The following ROR2 variants were observed in gnomAD, a reference collection of about 807,000 sequenced individuals.
ROR2 encodes ROR family WNT receptor 2, also known as tyrosine-protein kinase transmembrane receptor ROR2.
In ROR2, 33 loss-of-function variants were observed where a neutral mutation model predicts 74.9. That is an observed-to-expected ratio of 0.44 (90% CI 0.33 to 0.59). The LOEUF is 0.59. ROR2 is among the 20% of genes least tolerant of loss of function. The probability of loss-of-function intolerance (pLI) is 0.02; values close to 1 mark genes in which losing one functional copy is unlikely to be tolerated. For missense variants in ROR2, 1,216 were observed against 1,313.8 expected (o/e 0.93, Z 1.15); for synonymous variants, 586 against 558.7 (o/e 1.05, Z -0.69).
At chr9:91,918,686 T>C (rs926902763) in intron 1 of ROR2, among the ~76,000 whole-genome samples, 12 of 152,312 alleles carry the variant, frequency 7.9e-5, no homozygotes, top group African/African-American at 2.6e-4. Flanking sequence ...AACTGGTGAA[T>C]TGTACGCTCC....
intron 1 of ROR2, among the ~76,000 whole-genome samples, chr9:91,930,516 A>G (rs7036525): frequency 0.14 from 21,648 of 152,252 alleles, 2,254 homozygotes; most frequent in East Asian, 0.28. Flanking sequence ...CGTGACAAAC[A>G]CAAGCAGCAC....
At chr9:91,831,270 C>CA (rs113100972) in intron 1 of ROR2, among the ~76,000 whole-genome samples, 28,559 of 141,610 alleles carry the variant, frequency 0.2, 4,281 homozygotes, top group African/African-American at 0.43. Flanking sequence ...CTCAAAAAAA[C>CA]AAAAAAAAAA....
intron 1 of ROR2, among the ~76,000 whole-genome samples, chr9:91,908,046 T>C (rs1439734680): frequency 6.6e-6 from 1 of 152,164 alleles, no homozygotes; most frequent in Non-Finnish European, 1.5e-5. Context: ...GAACTGCAAA[T>C]GCCGCAAAAC....
chr9:91,833,050 C>T (rs994359144), intron 1 of ROR2, among the ~76,000 whole-genome samples: 8 of 152,150 alleles, frequency 5.3e-5, no homozygotes, highest in Admixed American at 3.3e-4. Flanking sequence ...AGAGTGGGCT[C>T]CCCTAAGCCC....
chr9:91,890,580 G>A (rs1029675276), intron 1 of ROR2, among the ~76,000 whole-genome samples: 1 of 152,170 alleles, frequency 6.6e-6, no homozygotes, highest in African/African-American at 2.4e-5. Flanking sequence ...AAGCTAATGG[G>A]TTTCCTATGT....
chr9:91,822,665 G>A (rs1358987308), intron 1 of ROR2, among the ~76,000 whole-genome samples: 3 of 152,186 alleles, frequency 2.0e-5, no homozygotes, highest in African/African-American at 7.2e-5. Flanking sequence ...GCTGTTTGGG[G>A]AACAAGATAG....
intron 2 of ROR2, among the ~76,000 whole-genome samples, chr9:91,767,770 G>A (rs1371887612): frequency 6.6e-6 from 1 of 152,196 alleles, no homozygotes; most frequent in Non-Finnish European, 1.5e-5. Flanking sequence ...AGATAAAACG[G>A]GGAAAACTAG....
chr9:91,769,028 G>A (rs1826145436), intron 2 of ROR2, among the ~76,000 whole-genome samples: 1 of 152,194 alleles, frequency 6.6e-6, no homozygotes, highest in Admixed American at 6.5e-5. Context: ...AACGTCTTAG[G>A]GAAAGGTTTG....
intron 1 of ROR2, among the ~76,000 whole-genome samples, chr9:91,922,730 G>C (rs542455845): frequency 6.6e-6 from 1 of 152,294 alleles, no homozygotes; most frequent in East Asian, 1.9e-4. Flanking sequence ...TGTGATTACA[G>C]GCAGGAGCCA....
At chr9:91,795,629 A>G (rs1300579021) in intron 1 of ROR2, among the ~76,000 whole-genome samples, 1 of 152,206 alleles carries the variant, frequency 6.6e-6, no homozygotes, top group Non-Finnish European at 1.5e-5. Context: ...TGAGACTCAT[A>G]AACTCATAAA....
chr9:91,925,202 A>T (rs1023010470), intron 1 of ROR2, among the ~76,000 whole-genome samples: 3 of 152,154 alleles, frequency 2.0e-5, no homozygotes, highest in African/African-American at 7.2e-5. Flanking sequence ...CCAGTGGTCC[A>T]GAGACACCAC....
chr9:91,833,686 A>C (rs73651566), intron 1 of ROR2, among the ~76,000 whole-genome samples: 1 of 151,924 alleles, frequency 6.6e-6, no homozygotes, highest in African/African-American at 2.4e-5. Flanking sequence ...GCCAGCCTCC[A>C]ACTGATCAGC....
At chr9:91,802,251 T>C (rs575210037) in intron 1 of ROR2, among the ~76,000 whole-genome samples, 1 of 151,812 alleles carries the variant, frequency 6.6e-6, no homozygotes, top group African/African-American at 2.4e-5. Context: ...CTTTTTTTTG[T>C]ATTTTTAGTA....
intron 1 of ROR2, among the ~76,000 whole-genome samples, chr9:91,931,376 T>A (rs1003928270): frequency 4.6e-5 from 7 of 152,262 alleles, no homozygotes; most frequent in Non-Finnish European, 8.8e-5. Context: ...TAAGGCTCTG[T>A]CATGAATATA....
chr9:91,786,479 TTGTC>T (rs1488559421), intron 1 of ROR2, among the ~76,000 whole-genome samples: 8 of 151,860 alleles, frequency 5.3e-5, no homozygotes, highest in Non-Finnish European at 1.0e-4. Flanking sequence ...GAGGTGAAAA[TTGTC>T]TGTTCAAGGG....
intron 1 of ROR2, among the ~76,000 whole-genome samples, chr9:91,852,733 A>G (rs1245635589): frequency 6.6e-6 from 1 of 152,210 alleles, no homozygotes; most frequent in Non-Finnish European, 1.5e-5. Context: ...TCAAAAAGTT[A>G]AAGAAATCAT....
chr9:91,747,358 T>G (rs1256909678), intron 4 of ROR2, among the ~76,000 whole-genome samples: 4 of 152,160 alleles, frequency 2.6e-5, no homozygotes, highest in African/African-American at 9.7e-5. Context: ...GTCCCACACA[T>G]CACAGCGCTC....
rs199608458 is a variant in ROR2 at position 91,750,019 on chromosome 9, C to T, written c.494+6052G>A. Among the ~76,000 whole-genome samples the T allele has an allele frequency of 3.7e-4, 56 of 152,170 alleles. No individual in the cohort carries two copies. In the East Asian group the frequency reaches 5.8e-3, roughly 16 times the overall value. On this transcript the variant is annotated intron_variant, in intron 4 of 8. Transcript: ENST00000375708. The stretch of plus-strand genomic sequence containing the variant: ...CAGGTTCAAGCAATTCTCCTGTCTC[C>T]GCCTCCCAAGTAGCTGGAATTACAG...
At chr9:91,789,676 C>T (rs1036992332) in intron 1 of ROR2, among the ~76,000 whole-genome samples, 1 of 151,732 alleles carries the variant, frequency 6.6e-6, no homozygotes, top group Non-Finnish European at 1.5e-5. Context: ...GAAAATAACC[C>T]CATCAAATAT....
Sources: allele counts gnomAD v4.1 joint callset (sites outside exome capture counted in the v4.1 genomes callset), GRCh38; gene constraint gnomAD v4.1.1; transcripts MANE v1.5; gene names NCBI Gene and HGNC (gene_info 2026-07-23, HGNC 2026-07-21).